CSMD3: variants seen among roughly 807,000 people sequenced by gnomAD.
CSMD3 encodes the protein CUB and Sushi multiple domains 3.
Under a neutral mutation model 435.2 loss-of-function variants are expected in CSMD3, and 177 were observed. That is an observed-to-expected ratio of 0.41 (90% CI 0.36 to 0.46). The LOEUF is 0.46. Ranked by LOEUF, CSMD3 falls within the 20% of genes least tolerant of loss-of-function variation. The pLI, the probability that CSMD3 is intolerant of heterozygous loss-of-function variation, is 0.34. For synonymous variants in CSMD3, 1,656 were observed against 1,520.5 expected, an observed-to-expected ratio of 1.09 and a Z score of -2.07; for missense variants, 4,265 against 4,504.6, an observed-to-expected ratio of 0.95 and a Z score of 1.52.
chr8:113,194,705 A>C (rs2092630657), intron 3 of CSMD3, among the ~76,000 whole-genome samples: 1 of 151,206 alleles, frequency 6.6e-6, no homozygotes, highest in Admixed American at 6.6e-5. Flanking sequence ...ACAAAAATTG[A>C]CCTAAAAAGT....
chr8:113,282,608 A>C (rs1412307257), intron 2 of CSMD3, among the ~76,000 whole-genome samples: 1 of 152,044 alleles, frequency 6.6e-6, no homozygotes, highest in Non-Finnish European at 1.5e-5. Context: ...ATGGAAACAT[A>C]CCATGCACAT....
intron 56 of CSMD3, 81 bp from the exon 57 acceptor site, chr8:112,289,619 C>T (rs1236615303): frequency 1.0e-5 from 9 of 897,064 alleles, no homozygotes; most frequent in Non-Finnish European, 1.5e-5. Flanking sequence ...ATAGAACATA[C>T]CAGAAGTAAA....
chr8:112,871,065 A>G (rs531532138), intron 10 of CSMD3, among the ~76,000 whole-genome samples: 25 of 152,302 alleles, frequency 1.6e-4, no homozygotes, highest in East Asian at 3.9e-4. Flanking sequence ...GTCCATTTCC[A>G]TGGTAACATT....
In CSMD3 at chr8:112,534,130, G is replaced by A. The variant is rs149860288; in HGVS notation, c.4564+16541C>T. ...TTAAAAGAACTAGAAAAGCAAGAGT[G>A]AACACATTCAAAAGCTAGCAGAAGG... On this transcript the variant is annotated intron_variant, in intron 27 of 70. Coordinates refer to ENST00000297405, the MANE Select transcript of CSMD3 (RefSeq NM_198123.2). Among the ~76,000 whole-genome samples, 1,140 of 151,816 alleles carry A rather than the reference G, an allele frequency of 7.5e-3. 6 individuals carry two copies. Among genetic ancestry groups the A allele is most frequent in the Non-Finnish European group, 0.01 (696 of 67,854 alleles).
At chr8:112,489,236 A>G (rs1307715053) in intron 31 of CSMD3, among the ~76,000 whole-genome samples, 1 of 152,084 alleles carries the variant, frequency 6.6e-6, no homozygotes, top group African/African-American at 2.4e-5. Context: ...TGGGTAACAT[A>G]GTGAGACACT....
At chr8:112,341,125 T>C (rs1030251970) in intron 42 of CSMD3, among the ~76,000 whole-genome samples, 1 of 152,134 alleles carries the variant, frequency 6.6e-6, no homozygotes, top group Non-Finnish European at 1.5e-5. Context: ...TAATACAAAA[T>C]ATCTTTTCAA....
intron 24 of CSMD3, among the ~76,000 whole-genome samples, chr8:112,562,148 T>C (rs1236087852): frequency 1.3e-5 from 2 of 151,660 alleles, no homozygotes; most frequent in East Asian, 1.9e-4. Context: ...TTAACTTCTG[T>C]CTTGGCTTAC....
chr8:113,287,701 G>C (rs1325493807), intron 2 of CSMD3, among the ~76,000 whole-genome samples: 1 of 151,936 alleles, frequency 6.6e-6, no homozygotes, highest in East Asian at 1.9e-4. Flanking sequence ...TTGATGTCAT[G>C]GCAGGTAGGT....
intron 13 of CSMD3, among the ~76,000 whole-genome samples, chr8:112,756,426 C>A (rs998727697): frequency 6.6e-6 from 1 of 152,164 alleles, no homozygotes; most frequent in Admixed American, 6.5e-5. Flanking sequence ...TCTCAAACAG[C>A]ATAATTTCAC....
chr8:112,594,278 T>C (rs544723978), intron 22 of CSMD3, among the ~76,000 whole-genome samples: 1 of 152,116 alleles, frequency 6.6e-6, no homozygotes, highest in South Asian at 2.1e-4. Context: ...GAAAATCGGG[T>C]CACTCCCACT....
chr8:112,921,951 C>T (rs554212720), intron 9 of CSMD3, among the ~76,000 whole-genome samples, 200 bp from the exon 10 acceptor site: 9 of 152,044 alleles, frequency 5.9e-5, no homozygotes, highest in African/African-American at 9.6e-5. Context: ...AGATGTAGAA[C>T]GAAGGTCAAA....
At chr8:113,196,032 G>A (rs2092651463) in intron 3 of CSMD3, among the ~76,000 whole-genome samples, 1 of 150,616 alleles carries the variant, frequency 6.6e-6, no homozygotes, top group Non-Finnish European at 1.5e-5. Flanking sequence ...ATTAGGAAAT[G>A]TCATTCTCTA....
rs116647483 is a variant in CSMD3 at position 112,586,566 on chromosome 8, C to T, written c.3885+500G>A. Among the ~76,000 whole-genome samples, 879 of 151,186 alleles carry T rather than the reference C, an allele frequency of 5.8e-3. 9 individuals are homozygous for T. Among genetic ancestry groups the T allele is most frequent in the African/African-American group, 0.02 (832 of 41,468 alleles). ...TTTTTTCTTAATTGATAGACATTGA[C>T]TTGTTAGGTTTATATATTCATAAAA... On this transcript the variant is annotated intron_variant, in intron 23 of 70. Coordinates refer to ENST00000297405, the MANE Select transcript of CSMD3 (RefSeq NM_198123.2).
intron 4 of CSMD3, among the ~76,000 whole-genome samples, chr8:113,142,297 G>A (rs2091567752): frequency 6.6e-6 from 1 of 150,862 alleles, no homozygotes; most frequent in Non-Finnish European, 1.5e-5. Flanking sequence ...AAAGACACAG[G>A]GACTACAATA....
intron 4 of CSMD3, among the ~76,000 whole-genome samples, chr8:113,125,221 G>T (rs1002356873): frequency 6.6e-6 from 1 of 151,928 alleles, no homozygotes; most frequent in Non-Finnish European, 1.5e-5. Flanking sequence ...TGTACACAAT[G>T]ATTACACAAG....
chr8:113,428,018 T>C (rs1172027173), intron 1 of CSMD3, among the ~76,000 whole-genome samples: 1 of 151,738 alleles, frequency 6.6e-6, no homozygotes, highest in Non-Finnish European at 1.5e-5. Context: ...TAGTTTTATA[T>C]TTTATAGTGT....
At chr8:112,259,656 A>G (rs1174298372) in intron 61 of CSMD3, among the ~76,000 whole-genome samples, 1 of 152,210 alleles carries the variant, frequency 6.6e-6, no homozygotes, top group Non-Finnish European at 1.5e-5. Flanking sequence ...TAATAATAGC[A>G]CAAAAAACAT....
intron 5 of CSMD3, among the ~76,000 whole-genome samples, chr8:113,082,718 A>T (rs2089613110): frequency 6.6e-6 from 1 of 152,184 alleles, no homozygotes; most frequent in Non-Finnish European, 1.5e-5. Flanking sequence ...CAGGAAAACA[A>T]TTCTTAATCT....
chr8:112,678,989 A>C (rs1246926198), intron 16 of CSMD3, among the ~76,000 whole-genome samples: 6 of 151,836 alleles, frequency 4.0e-5, no homozygotes, highest in Admixed American at 2.0e-4. Context: ...CTGTCTACAG[A>C]AAAAAGGAGA....
Sources: gnomAD v4.1 joint callset for allele counts (sites outside exome capture counted in the v4.1 genomes callset) on GRCh38, gnomAD v4.1.1 for gene constraint, MANE v1.5 for transcripts, NCBI Gene and HGNC (gene_info 2026-07-23, HGNC 2026-07-21) for gene names.